Variants in GCNT4 observed in about 807,000 individuals in gnomAD.
The protein encoded by GCNT4 is beta-1,3-galactosyl-O-glycosyl-glycoprotein beta-1,6-N-acetylglucosaminyltransferase 4.
Under a neutral mutation model 31.3 loss-of-function variants are expected in GCNT4, and 17 were observed. The ratio of observed to expected loss-of-function variants is 0.54; its 90% CI spans 0.37 to 0.81. The LOEUF is 0.81. Among genes scored for constraint, GCNT4 ranks in the 40% least tolerant of loss-of-function variants. GCNT4 has a pLI of 0.00. For synonymous variants in GCNT4, 158 were observed against 190.6 expected (o/e 0.83, Z 1.41); for missense variants, 503 against 525.5 (o/e 0.96, Z 0.42).
At chr5:75,024,234 G>A (rs1016547674), downstream of GCNT4, among the ~76,000 whole-genome samples, 1 of 152,176 alleles carries the variant, frequency 6.6e-6, no homozygotes, top group African/African-American at 2.4e-5. Context: ...ATATGATGCT[G>A]TGTATAGACC....
At chr5:75,024,717 C>T (rs368226449), downstream of GCNT4, among the ~76,000 whole-genome samples, 22 of 152,150 alleles carry the variant, frequency 1.4e-4, no homozygotes, top group South Asian at 1.7e-3. Flanking sequence ...GTAATCCCAG[C>T]ACTTTGGGAG....
intron 2 of GCNT4, among the ~76,000 whole-genome samples, chr5:75,050,563 C>A (rs1383070307): frequency 1.3e-5 from 2 of 152,102 alleles, no homozygotes; most frequent in African/African-American, 4.8e-5. Context: ...AGTCAGCCAG[C>A]GAGTGCACTA....
rs974508321 is a variant in GCNT4, at chr5:75,029,689, T to C, written c.349A>G (p.Arg117Gly). The change falls in exon 4 of 4, where the codon AGA becomes GGA. Residue 117 changes from arginine (R) to glycine (G), a missense_variant. Arg to Gly is a moderately radical substitution (Grantham distance 125). Coordinates refer to ENST00000652361, the MANE Select transcript of GCNT4 (RefSeq NM_001366737.1). ...TSDCDIYQTL[R>G]GYAQKLVSKE... ...GAGACAAGCTTTTGAGCATAACCTC[T>C]TAGAGTCTGATAAATGTCACAATCA... is the stretch of plus-strand genomic sequence containing the variant. 1.2e-6 allele frequency: 2 copies of C among 1,614,038 alleles called. No homozygotes were observed. The highest frequency in any genetic ancestry group is 2.7e-5 in the African/African-American group (2 of 74,940).
At chr5:75,021,884 C>T (rs904834990), downstream of GCNT4, among the ~76,000 whole-genome samples, 3 of 152,132 alleles carry the variant, frequency 2.0e-5, no homozygotes, top group Admixed American at 2.0e-4. Context: ...CACTCCTACC[C>T]AACATATTCA....
In GCNT4 at chr5:75,044,136, G is replaced by A. The variant is rs142723722; in HGVS notation, c.-2+3761C>T. Among the ~76,000 whole-genome samples the A allele has an allele frequency of 1.2e-3, 190 of 152,242 alleles. 1 individual carries two copies. The highest frequency in any genetic ancestry group is 4.3e-3 in the African/African-American group (180 of 41,534). On this transcript the variant is annotated intron_variant, in intron 3 of 3. Coordinates refer to ENST00000652361, the MANE Select transcript of GCNT4 (RefSeq NM_001366737.1). The stretch of plus-strand genomic sequence containing the variant: ...TCACATAATCCCTGAAGGTCACCTC[G>A]CAGGTGGGCTGTCTTCTTGAGAGCT...
In GCNT4 at chr5:75,029,632, A is replaced by C. The variant is rs572778833; in HGVS notation, c.406T>G (p.Ser136Ala). 1 of 1,614,156 alleles carries C rather than the reference A, an allele frequency of 6.2e-7. No homozygotes were observed. Among genetic ancestry groups the C allele is most frequent in the Admixed American group, 1.7e-5 (1 of 60,036 alleles). Residue 136 changes from serine (S) to alanine (A), a missense_variant, in exon 4 of 4, where the codon TCT (serine) becomes GCT (alanine). Physicochemically the swap from Ser to Ala is moderately conservative, Grantham distance 99 (BLOSUM62 1). Coordinates refer to ENST00000652361, the MANE Select transcript of GCNT4 (RefSeq NM_001366737.1). ...KEEKSFPIAY[S>A]LVVHKDAIMV... is the part of the protein sequence containing the mutation. The stretch of plus-strand genomic sequence containing the variant: ...ATTGCATCTTTGTGGACAACCAAAG[A>C]ATAGGCTATTGGGAAGCTTTTCTCC...
At position 75,026,768 on chromosome 5, in the gene GCNT4, G is replaced by C. The variant is rs192463958; in HGVS notation, c.*1908C>G. On this transcript the variant is annotated 3_prime_UTR_variant, in exon 4 of 4. Transcript: ENST00000652361. ...GACCAAAGTGACTTACCTGTCCACAGTCGCACACGAGTGAACTGGTATGGA... is the reference window on the plus strand; with the variant it reads ...GACCAAAGTGACTTACCTGTCCACACTCGCACACGAGTGAACTGGTATGGA... The C allele has an allele frequency of 6.6e-6, 1 of 151,596 alleles. No homozygotes were observed. The highest frequency in any genetic ancestry group is 6.6e-5 in the Admixed American group (1 of 15,222). The allele number at this position is 151,596 out of a possible 1,614,324, so 9.4% of individuals were successfully genotyped here. A position where few individuals can be genotyped will look rare whatever the true frequency, so the allele number is the denominator to read the frequency against.
the GCNT4 span, among the ~76,000 whole-genome samples, chr5:75,019,946 T>C: frequency 2.4e-4 from 36 of 152,344 alleles, no homozygotes; most frequent in East Asian, 6.9e-3. Context: ...TATGATACAG[T>C]TGGAAAATTT....
chr5:75,027,290 AT>A lies in GCNT4; in HGVS notation c.*1385del, dbSNP rs999775516. The stretch of plus-strand genomic sequence containing the variant: ...ATTCATTATATGTTATATAATATAT[AT>A]TTATATATATATAATTATATGTATA... On this transcript the variant is annotated 3_prime_UTR_variant, in exon 4 of 4. Transcript: ENST00000652361. 16 of 109,208 alleles carry A rather than the reference AT, an allele frequency of 1.5e-4. No individual in the cohort carries two copies. The East Asian group carries it at 1.5e-3, about 10-fold the overall frequency. The allele number at this position is 109,208 out of a possible 1,614,324, so 6.8% of individuals were successfully genotyped here.
At chr5:75,030,115 G>T in intron 3 of GCNT4, 77 bp from the exon 4 acceptor site, 2 of 1,373,156 alleles carry the variant, frequency 1.5e-6, no homozygotes, top group Non-Finnish European at 9.9e-7. Context: ...TCTACTGGGC[G>T]CCTACCACAT....
intron 3 of GCNT4, among the ~76,000 whole-genome samples, chr5:75,047,104 T>C (rs543364955): frequency 1.3e-5 from 2 of 152,230 alleles, no homozygotes; most frequent in Non-Finnish European, 2.9e-5. Flanking sequence ...CAATCCACTA[T>C]ATAAGTGTTC....
intron 3 of GCNT4, among the ~76,000 whole-genome samples, chr5:75,043,718 A>T (rs1475885864): frequency 2.0e-5 from 3 of 152,172 alleles, no homozygotes; most frequent in Non-Finnish European, 4.4e-5. Context: ...GTTACATGAG[A>T]AAAGTAAGCC....
Position 75,029,092 on chromosome 5 carries a change from A to G in GCNT4, c.946T>C (p.Phe316Leu), listed in dbSNP as rs1257267873. The part of the protein sequence containing the change: ...VLSQAFVKYI[F>L]NNSIVQDFFA... ...AAGTCTTGAACGATGGAGTTGTTGAAAATATATTTAACAAATGCTTGACTT... is the reference window on the plus strand; with the variant it reads ...AAGTCTTGAACGATGGAGTTGTTGAGAATATATTTAACAAATGCTTGACTT... The change falls in exon 4 of 4, where the codon TTC becomes CTC. Residue 316 changes from phenylalanine to leucine, a missense_variant. Coordinates refer to ENST00000652361, the MANE Select transcript of GCNT4 (RefSeq NM_001366737.1). 1 of 1,614,164 alleles carries G rather than the reference A, an allele frequency of 6.2e-7. No homozygotes were observed.
At chr5:75,036,578 T>G (rs1344901526) in intron 3 of GCNT4, among the ~76,000 whole-genome samples, 1 of 152,254 alleles carries the variant, frequency 6.6e-6, no homozygotes, top group East Asian at 1.9e-4. Context: ...CTTCTCTAAA[T>G]GTCCTAGAAC....
chr5:75,044,763 C>T (rs1042747848), intron 3 of GCNT4, among the ~76,000 whole-genome samples: 9 of 152,114 alleles, frequency 5.9e-5, no homozygotes, highest in African/African-American at 1.9e-4. Context: ...CATCAAAGGC[C>T]TCCACGCTTC....
rs950128047 is a variant in GCNT4 at position 75,027,123 on chromosome 5, T to C, written c.*1553A>G. ...ACATTTTTATTTACTGAGGCTGCCA[T>C]TGAGACATATCATGACCAAGAAATT... is the stretch of plus-strand genomic sequence containing the variant. On this transcript the variant is annotated 3_prime_UTR_variant, in exon 4 of 4. Coordinates refer to ENST00000652361, the MANE Select transcript of GCNT4 (RefSeq NM_001366737.1). 6.6e-6 allele frequency: 1 copy of C among 151,006 alleles called. No individual in the cohort carries two copies. Among genetic ancestry groups the C allele is most frequent in the African/African-American group, 2.4e-5 (1 of 41,084 alleles). The allele number at this position is 151,006 out of a possible 1,614,324, so 9.4% of individuals were successfully genotyped here.
At chr5:75,043,528 C>T (rs1743366763) in intron 3 of GCNT4, among the ~76,000 whole-genome samples, 1 of 152,054 alleles carries the variant, frequency 6.6e-6, no homozygotes. Context: ...AGGAGGTACG[C>T]CATTTTGTTC....
chr5:75,047,368 T>C (rs1743465251), intron 3 of GCNT4, among the ~76,000 whole-genome samples: 1 of 152,226 alleles, frequency 6.6e-6, no homozygotes. Context: ...ATTATTGATT[T>C]GCTTACTATG....
At chr5:75,040,866 C>T (rs1308049935) in intron 3 of GCNT4, among the ~76,000 whole-genome samples, 1 of 151,848 alleles carries the variant, frequency 6.6e-6, no homozygotes, top group Non-Finnish European at 1.5e-5. Context: ...ATAAATTGTC[C>T]CTAAAGTTTC....
Sources: gnomAD v4.1 joint callset for allele counts (sites outside exome capture counted in the v4.1 genomes callset) on GRCh38, gnomAD v4.1.1 for gene constraint, MANE v1.5 for transcripts, NCBI Gene and HGNC (gene_info 2026-07-23, HGNC 2026-07-21) for gene names.